The following ZNF614 variants were observed in gnomAD, a reference collection of about 807,000 sequenced individuals.
ZNF614 encodes the protein zinc finger protein 614.
In ZNF614, 11 loss-of-function variants were observed where a neutral mutation model predicts 12.8. That is an observed-to-expected ratio of 0.86 (90% CI 0.54 to 1.43). The LOEUF (loss-of-function observed/expected upper bound fraction) is 1.43. Among genes scored for constraint, ZNF614 ranks in the 40% most tolerant of loss-of-function variants. The probability of loss-of-function intolerance (pLI) is 0.00; values close to 1 mark genes in which losing one functional copy is unlikely to be tolerated. For missense variants in ZNF614, 664 were observed against 708.8 expected (o/e 0.94, Z 0.72); for synonymous variants, 237 against 237.5 (o/e 1.00, Z 0.02).
In ZNF614 at chr19:52,016,575, T is replaced by C; in HGVS notation, c.1023A>G (p.Lys341=). 1 of 1,614,194 alleles carries C rather than the reference T, an allele frequency of 6.2e-7. No homozygotes were observed. The highest frequency in any genetic ancestry group is 1.1e-5 in the South Asian group (1 of 91,080). Residue 341 remains lysine (K), a synonymous_variant, in exon 5 of 5, where the codon AAA becomes AAG. Coordinates refer to ENST00000270649, the MANE Select transcript of ZNF614 (RefSeq NM_025040.4). ...TTCCACATTCACTGCATATATAGGGTTTCTCCCCTGTATGAGTTCGCTGAT... is the reference window on the plus strand; with the variant it reads ...TTCCACATTCACTGCATATATAGGGCTTCTCCCCTGTATGAGTTCGCTGAT... ...IVHQRTHTGE[K]PYICSECGKG...
Position 52,018,358 on chromosome 19 carries a change from C to T in ZNF614, c.142+10G>A. The T allele has an allele frequency of 1.9e-6, 3 of 1,613,976 alleles. No individual in the cohort carries two copies. Among genetic ancestry groups the T allele is most frequent in the Non-Finnish European group, 2.5e-6 (3 of 1,179,996 alleles). ...GGCACCTCTAGGTGACACAGGGAAA[C>T]TATTCTTACCCAGTGATACTAGGTG... On this transcript the variant is annotated intron_variant, in intron 3 of 4. Coordinates refer to ENST00000270649, the MANE Select transcript of ZNF614 (RefSeq NM_025040.4).
At chr19:52,027,004 T>C (rs2086979716) in intron 1 of ZNF614, among the ~76,000 whole-genome samples, 1 of 152,240 alleles carries the variant, frequency 6.6e-6, no homozygotes, top group African/African-American at 2.4e-5. Flanking sequence ...CAATAAATAC[T>C]GAGGGAACTC....
intron 3 of ZNF614, 127 bp downstream of exon 3, chr19:52,018,241 C>T (rs1324073074): frequency 6.7e-7 from 1 of 1,503,452 alleles, no homozygotes; most frequent in East Asian, 2.3e-5. Flanking sequence ...ACTTTGGGGT[C>T]AGAGAGGGGA....
rs2086890006 is a variant in ZNF614 at position 52,015,408 on chromosome 19, T to C, written c.*432A>G. On this transcript the variant is annotated 3_prime_UTR_variant, in exon 5 of 5. Coordinates refer to ENST00000270649, the MANE Select transcript of ZNF614 (RefSeq NM_025040.4). ...AGTAAAGACTTTGTCATGGTCATCA[T>C]GTTTCTATCAACAATAAGCTCACTT... 1 of 155,840 alleles carries C rather than the reference T, an allele frequency of 6.4e-6. No homozygotes were observed. The highest frequency in any genetic ancestry group is 1.4e-5 in the Non-Finnish European group (1 of 70,380). 9.7% of individuals were successfully genotyped at this position (155,840 alleles called of 1,614,324 possible).
chr19:52,025,816 A>G lies in ZNF614; in HGVS notation c.-71T>C, dbSNP rs2086967745. The G allele has an allele frequency of 6.5e-7, 1 of 1,546,072 alleles. No homozygotes were observed. Among genetic ancestry groups the G allele is most frequent in the Admixed American group, 1.9e-5 (1 of 53,222 alleles). ...TTTGTCTCTTCTGCATTTGCCATGA[A>G]GTTTTTGAAGTTTTCCTAGTCAGAA... is the stretch of plus-strand genomic sequence containing the variant. On this transcript the variant is annotated 5_prime_UTR_variant, in exon 2 of 5. Transcript: ENST00000270649.
In ZNF614 at chr19:52,025,755, T is replaced by C. The variant is rs1568515950; in HGVS notation, c.-10A>G. 2 of 1,613,978 alleles carry C rather than the reference T, an allele frequency of 1.2e-6. No individual in the cohort carries two copies. Among genetic ancestry groups the C allele is most frequent in the South Asian group, 1.1e-5 (1 of 91,064 alleles). Reference sequence around the variant, plus strand: ...CCTGGGTCTTGATCATTTTCTTCTGTGCTCAGAAAATAGTGGATAACATGG... The same window carrying C: ...CCTGGGTCTTGATCATTTTCTTCTGCGCTCAGAAAATAGTGGATAACATGG... On this transcript the variant is annotated 5_prime_UTR_variant, in exon 2 of 5. Transcript: ENST00000270649.
At position 52,025,898 on chromosome 19, in the gene ZNF614, C is replaced by T. The variant is rs1866918303; in HGVS notation, c.-153G>A. The T allele has an allele frequency of 1.3e-6, 1 of 747,058 alleles. No homozygotes were observed. The highest frequency in any genetic ancestry group is 2.2e-6 in the Non-Finnish European group (1 of 454,964). The allele number at this position is 747,058 out of a possible 1,614,324, so 46.3% of individuals were successfully genotyped here. On this transcript the variant is annotated 5_prime_UTR_variant, in exon 2 of 5. Coordinates refer to ENST00000270649, the MANE Select transcript of ZNF614 (RefSeq NM_025040.4). The stretch of plus-strand genomic sequence containing the variant: ...AATTATGATATCCAAGGCCAGCAAC[C>T]TCCTTCTTCTTCCTTCATTGCTTCA...
intron 1 of ZNF614, among the ~76,000 whole-genome samples, chr19:52,026,964 C>T (rs2086979289): frequency 6.6e-6 from 1 of 152,242 alleles, no homozygotes; most frequent in South Asian, 2.1e-4. Flanking sequence ...CCTGCCACAT[C>T]CCCCTCTCCG....
chr19:52,017,957 A>G, intron 4 of ZNF614, 51 bp downstream of exon 4: 1 of 1,421,164 alleles, frequency 7.0e-7, no homozygotes, highest in Non-Finnish European at 9.9e-7. Context: ...CCTTTCCTTA[A>G]TGACTACAAT....
chr19:52,017,169 T>G lies in ZNF614; in HGVS notation c.429A>C (p.Leu143Phe), dbSNP rs1555775128. 4.3e-5 allele frequency: 70 copies of G among 1,614,050 alleles called. No individual in the cohort carries two copies. The South Asian group carries it at 7.6e-4, about 17-fold the overall frequency. The stretch of plus-strand genomic sequence containing the variant: ...TTCCATGTCTTCTCTTCTGGTTGAT[T>G]AAACTTAAACTTGATTTCAAATTTT... ...YRKNLKSSLS[L>F]INQKRRHGIN... is the part of the protein sequence containing the mutation. The change falls in exon 5 of 5, where the codon TTA (leucine) becomes TTC (phenylalanine). Residue 143 changes from leucine to phenylalanine, a missense_variant. Coordinates refer to ENST00000270649, the MANE Select transcript of ZNF614 (RefSeq NM_025040.4).
chr19:52,026,715 C>T (rs901806776), intron 1 of ZNF614, among the ~76,000 whole-genome samples: 4 of 152,168 alleles, frequency 2.6e-5, no homozygotes, highest in African/African-American at 9.7e-5. Context: ...CCTCCTCGTC[C>T]CTGGGAATGG....
chr19:52,016,937 T>TA lies in ZNF614; in HGVS notation c.660_661insT (p.Ile221TyrfsTer4). On this transcript the variant is annotated frameshift_variant, in exon 5 of 5. Coordinates refer to ENST00000270649, the MANE Select transcript of ZNF614 (RefSeq NM_025040.4). LOFTEE classifies it low-confidence loss of function (END_TRUNC). Reference sequence around the variant, plus strand: ...TGTATACAAATGTTCTCATGGTAAATGAGCTGAGACTTCCTAAGGAAGGTT... The same window carrying TA: ...TGTATACAAATGTTCTCATGGTAAATAGAGCTGAGACTTCCTAAGGAAGGTT... The TA allele has an allele frequency of 6.2e-7, 1 of 1,613,840 alleles. No individual in the cohort carries two copies. The highest frequency in any genetic ancestry group is 1.1e-5 in the South Asian group (1 of 91,088).
At chr19:52,025,636 C>T in intron 2 of ZNF614, 95 bp downstream of exon 2, 4 of 1,405,552 alleles carry the variant, frequency 2.8e-6, no homozygotes, top group Non-Finnish European at 4.0e-6. Flanking sequence ...TAATTTCTCC[C>T]TAGAACACAA....
chr19:52,016,360 G>A lies in ZNF614; in HGVS notation c.1238C>T (p.Thr413Ile), dbSNP rs1478031819. The A allele has an allele frequency of 1.2e-6, 2 of 1,611,648 alleles. No individual in the cohort carries two copies. The highest frequency in any genetic ancestry group is 1.3e-5 in the African/African-American group (1 of 74,382). The change falls in exon 5 of 5, where the codon ACT becomes ATT. Residue 413 changes from threonine to isoleucine, a missense_variant. By Grantham distance (89) the Thr-to-Ile change is moderately conservative. Transcript: ENST00000270649. The part of the protein sequence containing the change: ...ECGKGFTVKR[T>I]LVIHQRTHTG... ...ATGAGTTCGCTGATGTATAACGAGA[G>A]TGCGTTTGACAGTGAAGCCTTTTCC...
chr19:52,016,585 G>A lies in ZNF614; in HGVS notation c.1013C>T (p.Thr338Ile). The A allele has an allele frequency of 6.2e-7, 1 of 1,614,182 alleles. No homozygotes were observed. The highest frequency in any genetic ancestry group is 8.5e-7 in the Non-Finnish European group (1 of 1,180,036). ...ACTGCATATATAGGGTTTCTCCCCT[G>A]TATGAGTTCGCTGATGTACAATGAG... is the stretch of plus-strand genomic sequence containing the variant. ...SNLIVHQRTH[T>I]GEKPYICSEC... The change falls in exon 5 of 5, where the codon ACA becomes ATA. Residue 338 changes from threonine to isoleucine, a missense_variant. Transcript: ENST00000270649.
chr19:52,020,516 C>T (rs908565668), intron 2 of ZNF614, among the ~76,000 whole-genome samples: 3 of 152,216 alleles, frequency 2.0e-5, no homozygotes, highest in African/African-American at 7.2e-5. Context: ...TTCAAGAGTA[C>T]TTGCCAGCCA....
At chr19:52,025,604 T>C (rs1308956606) in intron 2 of ZNF614, 127 bp downstream of exon 2, 3 of 1,097,292 alleles carry the variant, frequency 2.7e-6, no homozygotes, top group Admixed American at 2.0e-5. Flanking sequence ...CCCCCACCTC[T>C]ACTCCCAAAA....
chr19:52,022,377 C>T (rs1489479033), intron 2 of ZNF614, among the ~76,000 whole-genome samples: 1 of 151,888 alleles, frequency 6.6e-6, no homozygotes, highest in Non-Finnish European at 1.5e-5. Flanking sequence ...TCTGCCCGGC[C>T]GCCCCACACC....
Position 52,018,273 on chromosome 19 carries a change from A to T in ZNF614, c.142+95T>A, listed in dbSNP as rs2086912942. The T allele has an allele frequency of 4.4e-6, 7 of 1,592,216 alleles. No individual in the cohort carries two copies. The Admixed American group carries it at 6.7e-5, about 15-fold the overall frequency. On this transcript the variant is annotated intron_variant, in intron 3 of 4. Transcript: ENST00000270649. Reference sequence around the variant, plus strand: ...GGGACTGAAAATGTAACTCTTCCAAACACCACAGTGACTGTAAAGCTTTGA... The same window carrying T: ...GGGACTGAAAATGTAACTCTTCCAATCACCACAGTGACTGTAAAGCTTTGA...
Sources: gnomAD v4.1 joint callset for allele counts (sites outside exome capture counted in the v4.1 genomes callset) on GRCh38, gnomAD v4.1.1 for gene constraint, MANE v1.5 for transcripts, NCBI Gene and HGNC (gene_info 2026-07-23, HGNC 2026-07-21) for gene names.